GADL1: variants seen among roughly 807,000 people sequenced by gnomAD.
The protein encoded by GADL1 is acidic amino acid decarboxylase GADL1.
In GADL1, 71 loss-of-function variants were observed where a neutral mutation model predicts 69.5. The observed-to-expected ratio is 1.02, with a 90% CI of 0.84 to 1.25. The LOEUF (loss-of-function observed/expected upper bound fraction) is 1.25. Ranked by LOEUF, GADL1 falls within the 50% of genes most tolerant of loss-of-function variation. The pLI, the probability that GADL1 is intolerant of heterozygous loss-of-function variation, is 0.00. For synonymous variants in GADL1, 254 were observed against 214.4 expected (o/e 1.18, Z -1.62); for missense variants, 737 against 631.8 (o/e 1.17, Z -1.79).
chr3:30,760,892 C>T (rs1419524047), intron 14 of GADL1, among the ~76,000 whole-genome samples: 1 of 152,058 alleles, frequency 6.6e-6, no homozygotes, highest in East Asian at 1.9e-4. Flanking sequence ...AAGGAAAGGA[C>T]ATAGGGAAAC....
chr3:30,738,591 T>C (rs1238407383), intron 14 of GADL1, among the ~76,000 whole-genome samples: 1 of 152,180 alleles, frequency 6.6e-6, no homozygotes, highest in Non-Finnish European at 1.5e-5. Context: ...TTCCAAGGAT[T>C]CATAACATAT....
At chr3:30,856,909 CCA>C (rs1334434823) in intron 3 of GADL1, 104 bp downstream of exon 3, 1 of 888,010 alleles carries the variant, frequency 1.1e-6, no homozygotes, top group African/African-American at 1.7e-5. Flanking sequence ...ATTTTTTGAT[CCA>C]GATTTCTCGT....
At position 30,891,108 on chromosome 3, in the gene GADL1, A is replaced by AG. The variant is rs149826110; in HGVS notation, c.37+3469dup. ...AGCTGTGGTGAGTCTGCCTGCTCCC[A>AG]GGGTACTGCCTTATAAAATGGATTC... On this transcript the variant is annotated intron_variant, in intron 1 of 14. Transcript: ENST00000282538. 0.013 allele frequency among the ~76,000 whole-genome samples: 1,999 copies of AG among 151,938 alleles called. 99 individuals carry two copies. The East Asian group carries it at 0.16, about 12-fold the overall frequency.
chr3:30,762,841 T>TTTC (rs1696173271), intron 14 of GADL1, among the ~76,000 whole-genome samples: 1 of 119,934 alleles, frequency 8.3e-6, no homozygotes, highest in African/African-American at 3.2e-5. Context: ...CATGTGATGT[T>TTTC]AGTCTTTCTT....
intron 14 of GADL1, 106 bp downstream of exon 14, chr3:30,778,070 TCTC>T (rs1696577670): frequency 6.0e-6 from 4 of 661,440 alleles, no homozygotes; most frequent in Non-Finnish European, 1.1e-5. Context: ...AGAAGACACT[TCTC>T]TAGATAATTC....
rs1697149502 is a variant in GADL1, at chr3:30,800,920, C to T, written c.1219G>A (p.Glu407Lys). The change falls in exon 12 of 15, where the codon GAA (glutamate) becomes AAA (lysine). Residue 407 changes from glutamate to lysine, a missense_variant. Coordinates refer to ENST00000282538, the MANE Select transcript of GADL1 (RefSeq NM_207359.3). ...WKALGTLGLEERVNRALALSR... is the reference protein window; with the variant it reads ...WKALGTLGLEKRVNRALALSR... ...AAAGCAAGAGCACGATTAACTCTTT[C>T]TTCAAGGCCTAATGTACCCAGGGCC... 1.2e-6 allele frequency: 2 copies of T among 1,611,864 alleles called. No individual in the cohort carries two copies. The highest frequency in any genetic ancestry group is 1.7e-5 in the Admixed American group (1 of 59,884).
At chr3:30,849,130 T>C (rs1283723394) in intron 6 of GADL1, among the ~76,000 whole-genome samples, 1 of 151,922 alleles carries the variant, frequency 6.6e-6, no homozygotes, top group African/African-American at 2.4e-5. Flanking sequence ...TGATGGAGAA[T>C]GAGAGACATA....
chr3:30,752,014 A>G (rs1695832740), intron 14 of GADL1, among the ~76,000 whole-genome samples: 1 of 152,330 alleles, frequency 6.6e-6, no homozygotes, highest in East Asian at 1.9e-4. Context: ...GACGATTCTG[A>G]AATTAAACCC....
chr3:30,853,925 C>T (rs1010888006), intron 4 of GADL1, among the ~76,000 whole-genome samples: 1 of 152,014 alleles, frequency 6.6e-6, no homozygotes, highest in Admixed American at 6.6e-5. Flanking sequence ...ACTTAGAAAC[C>T]TTCAATGGCT....
intron 14 of GADL1, among the ~76,000 whole-genome samples, chr3:30,745,249 C>G (rs959828649): frequency 1.3e-5 from 2 of 152,132 alleles, no homozygotes; most frequent in African/African-American, 4.8e-5. Context: ...TGAATGAGGT[C>G]AAACAGTAAT....
chr3:30,740,945 T>G (rs1381996242), intron 14 of GADL1, among the ~76,000 whole-genome samples: 1 of 126,070 alleles, frequency 7.9e-6, no homozygotes, highest in African/African-American at 3.8e-5. Context: ...ATATTTGATA[T>G]ATCAAATATA....
chr3:30,754,744 TTAC>T (rs1695924571), intron 14 of GADL1, among the ~76,000 whole-genome samples: 1 of 152,216 alleles, frequency 6.6e-6, no homozygotes, highest in African/African-American at 2.4e-5. Flanking sequence ...AGTGAGATGT[TTAC>T]TATGTTTAAC....
intron 6 of GADL1, among the ~76,000 whole-genome samples, chr3:30,848,387 ATTTTCTCCTAC>A (rs763814573): frequency 5.7e-4 from 86 of 152,170 alleles, no homozygotes; most frequent in Non-Finnish European, 1.1e-3. Context: ...GAGTGGTCAT[ATTTTCTCCTAC>A]TGAGGAGAAA....
At chr3:30,813,534 A>C (rs1697401362) in intron 11 of GADL1, among the ~76,000 whole-genome samples, 1 of 152,220 alleles carries the variant, frequency 6.6e-6, no homozygotes, top group Non-Finnish European at 1.5e-5. Flanking sequence ...CTGTCAACAA[A>C]GGCATGGTTC....
At chr3:30,838,896 GT>G in intron 9 of GADL1, 100 bp downstream of exon 9, 1 of 662,884 alleles carries the variant, frequency 1.5e-6, no homozygotes, top group South Asian at 2.0e-5. Flanking sequence ...AAACAAAAGC[GT>G]TGGGGACTCC....
At chr3:30,755,380 T>TG (rs1553635857) in intron 14 of GADL1, among the ~76,000 whole-genome samples, 6 of 151,852 alleles carry the variant, frequency 4.0e-5, no homozygotes, top group Non-Finnish European at 8.8e-5. Context: ...CTAAAAAACT[T>TG]GTTTTTCTAT....
chr3:30,744,276 T>C (rs550040633), intron 14 of GADL1, among the ~76,000 whole-genome samples: 6 of 152,204 alleles, frequency 3.9e-5, no homozygotes, highest in Non-Finnish European at 8.8e-5. Flanking sequence ...TCAGATACTA[T>C]GCATTTAGAC....
intron 14 of GADL1, among the ~76,000 whole-genome samples, chr3:30,750,763 C>G (rs73056886): frequency 0.11 from 16,118 of 152,110 alleles, 974 homozygotes; most frequent in East Asian, 0.23. Context: ...ATATGGATTT[C>G]AATTCATATC....
intron 1 of GADL1, among the ~76,000 whole-genome samples, chr3:30,868,751 G>T (rs1398190025): frequency 6.6e-6 from 1 of 151,926 alleles, no homozygotes; most frequent in African/African-American, 2.4e-5. Flanking sequence ...CAGAAAGTCT[G>T]CCAGTAAAAG....
Sources: gnomAD v4.1 joint callset for allele counts (sites outside exome capture counted in the v4.1 genomes callset) on GRCh38, gnomAD v4.1.1 for gene constraint, MANE v1.5 for transcripts, NCBI Gene and HGNC (gene_info 2026-07-23, HGNC 2026-07-21) for gene names.